Variants in WDR4 observed in about 807,000 individuals in gnomAD.
WDR4 encodes WDR4 tRNA N7-guanosine methyltransferase non-catalytic subunit.
WDR4 carries 47 observed loss-of-function variants against 48.6 expected under a neutral mutation model. The observed-to-expected ratio is 0.97, with a 90% CI of 0.77 to 1.23. WDR4 has a LOEUF of 1.23. WDR4 is among the 50% of genes most tolerant of loss of function. The pLI, the probability that WDR4 is intolerant of heterozygous loss-of-function variation, is 0.00. For missense variants in WDR4, 606 were observed against 551.6 expected, an observed-to-expected ratio of 1.10 and a Z score of -0.99; for synonymous variants, 268 against 230.0, an observed-to-expected ratio of 1.17 and a Z score of -1.49.
chr21:42,876,159 C>T (rs1304464970), intron 2 of WDR4, among the ~76,000 whole-genome samples: 1 of 150,600 alleles, frequency 6.6e-6, no homozygotes, highest in Non-Finnish European at 1.5e-5. Flanking sequence ...AGCACCCTGG[C>T]TTCCCAAAGT....
At chr21:42,879,357 ACGCG>A in intron 1 of WDR4, 46 bp downstream of exon 1, 1 of 1,595,866 alleles carries the variant, frequency 6.3e-7, no homozygotes, top group Non-Finnish European at 8.6e-7. Flanking sequence ...CCAGGACCCG[ACGCG>A]CGCCCGCAGC....
At chr21:42,878,657 CGA>C (rs901821253) in intron 1 of WDR4, among the ~76,000 whole-genome samples, 4 of 152,174 alleles carry the variant, frequency 2.6e-5, no homozygotes, top group African/African-American at 9.7e-5. Context: ...CTAATTGCTC[CGA>C]GAGTCCTGAG....
intron 3 of WDR4, among the ~76,000 whole-genome samples, chr21:42,872,163 T>C (rs2058382955): frequency 6.6e-6 from 1 of 152,086 alleles, no homozygotes; most frequent in African/African-American, 2.4e-5. Context: ...TTTGTATTTT[T>C]AGTAGAGACG....
At chr21:42,886,203 C>T in the WDR4 span, among the ~76,000 whole-genome samples, 7 of 152,238 alleles carry the variant, frequency 4.6e-5, no homozygotes, top group Middle Eastern at 3.4e-3. Context: ...GCAATCCCAC[C>T]GCCTTGGCCT....
At position 42,862,199 on chromosome 21, in the gene WDR4, A is replaced by T; in HGVS notation, c.566+83T>A. ...TCACCCGCGTGGGGCCTCGCCAGCTACAACGGCACCTGCTGAGCCGCAAGC... is the reference window on the plus strand; with the variant it reads ...TCACCCGCGTGGGGCCTCGCCAGCTTCAACGGCACCTGCTGAGCCGCAAGC... On this transcript the variant is annotated intron_variant, in intron 5 of 10. Coordinates refer to ENST00000398208, the MANE Select transcript of WDR4 (RefSeq NM_018669.6). This position sits in a 1 kb window ranked among gnomAD's most constrained non-coding sequence, Gnocchi z 4.3. The T allele has an allele frequency of 2.3e-6, 3 of 1,318,682 alleles. No individual in the cohort carries two copies. Among genetic ancestry groups the T allele is most frequent in the Non-Finnish European group, 3.1e-6 (3 of 957,162 alleles). The allele number at this position is 1,318,682 out of a possible 1,614,324, so 81.7% of individuals were successfully genotyped here.
At position 42,850,567 on chromosome 21, in the gene WDR4, G is replaced by A. The variant is rs897495330; in HGVS notation, c.1046-325C>T. On this transcript the variant is annotated intron_variant, in intron 10 of 10. Transcript: ENST00000398208. ...CCACTACTGCACCATGAGCCGCCCT[G>A]TGGAGGGGCCCAGGTGGCAGGGGAC... 4.6e-5 allele frequency among the ~76,000 whole-genome samples: 7 copies of A among 152,212 alleles called. No individual in the cohort carries two copies. The East Asian group carries it at 1.3e-3, about 29-fold the overall frequency.
rs765233947 is a variant in WDR4 at position 42,854,625 on chromosome 21, T to A, written c.728A>T (p.Lys243Met). ...QELVDPQAPQKFAASRIAFWC... is the reference protein window; with the variant it reads ...QELVDPQAPQMFAASRIAFWC... ...GAATGCAATCCTGGACGCGGCAAACTTCTAAAAGGAGAAGAAGCCCATTAA... is the reference window on the plus strand; with the variant it reads ...GAATGCAATCCTGGACGCGGCAAACATCTAAAAGGAGAAGAAGCCCATTAA... The change falls in exon 8 of 11, where the codon AAG becomes ATG. Residue 243 changes from lysine to methionine, a missense_variant and splice_region_variant. Lys to Met is a moderately conservative substitution (Grantham distance 95). Coordinates refer to ENST00000398208, the MANE Select transcript of WDR4 (RefSeq NM_018669.6). 6.2e-7 allele frequency: 1 copy of A among 1,613,386 alleles called. No homozygotes were observed. The highest frequency in any genetic ancestry group is 1.1e-5 in the South Asian group (1 of 90,918).
At chr21:42,859,581 G>GCCAGCGATCCACAGGGA in intron 6 of WDR4, 81 bp downstream of exon 6, 3 of 1,379,522 alleles carry the variant, frequency 2.2e-6, no homozygotes, top group Non-Finnish European at 3.0e-6. Context: ...ATCCACAGGG[G>GCCAGCGATCCACAGGGA]CCAGGTCCAG....
At chr21:42,847,595 C>G (rs2057722158), downstream of WDR4, among the ~76,000 whole-genome samples, 1 of 152,202 alleles carries the variant, frequency 6.6e-6, no homozygotes, top group Non-Finnish European at 1.5e-5. Context: ...CGTCTCAGTC[C>G]CAGCCACTCC....
At position 42,855,731 on chromosome 21, in the gene WDR4, C is replaced by T. The variant is rs1247367278; in HGVS notation, c.677G>A (p.Cys226Tyr). The T allele has an allele frequency of 5.1e-6, 8 of 1,555,028 alleles. No homozygotes were observed. In the East Asian group the frequency reaches 1.7e-4, roughly 33 times the overall value. ...CTCCTGCAGACTGGCCAGGTGACAG[C>T]AGTGCAGCTGGCGGCCGCTCCTGTA... Reference protein sequence around the residue: ...WEYRSGRQLHCCHLASLQELV... With the variant: ...WEYRSGRQLHYCHLASLQELV... The change falls in exon 7 of 11, where the codon TGC (cysteine) becomes TAC (tyrosine). Residue 226 changes from cysteine to tyrosine, a missense_variant. Coordinates refer to ENST00000398208, the MANE Select transcript of WDR4 (RefSeq NM_018669.6).
the WDR4 span, among the ~76,000 whole-genome samples, chr21:42,887,308 T>A: frequency 4.0e-5 from 6 of 151,278 alleles, no homozygotes; most frequent in African/African-American, 9.7e-5. Context: ...TTTTTTTTTT[T>A]TTTTTTATTT....
intron 3 of WDR4, among the ~76,000 whole-genome samples, chr21:42,872,084 G>A (rs1363634933): frequency 3.3e-5 from 5 of 151,842 alleles, no homozygotes; most frequent in South Asian, 2.1e-4. Flanking sequence ...TCCCAGGTTC[G>A]GGAGATTCTC....
downstream of WDR4, among the ~76,000 whole-genome samples, chr21:42,847,949 A>G (rs1202833346): frequency 6.6e-6 from 1 of 152,256 alleles, no homozygotes; most frequent in East Asian, 1.9e-4. Flanking sequence ...GGCAGCGTGA[A>G]GGAGGCCAGG....
chr21:42,865,359 A>G (rs1411880944), intron 3 of WDR4, among the ~76,000 whole-genome samples: 1 of 152,188 alleles, frequency 6.6e-6, no homozygotes, highest in Non-Finnish European at 1.5e-5. Flanking sequence ...CAGCTGCCAC[A>G]AACACGACCA....
upstream of WDR4, among the ~76,000 whole-genome samples, chr21:42,880,892 G>C (rs1232659139): frequency 2.0e-5 from 3 of 150,916 alleles, no homozygotes; most frequent in East Asian, 5.8e-4. Flanking sequence ...TCAAGAATCT[G>C]ATTCAGGTGC....
intron 6 of WDR4, among the ~76,000 whole-genome samples, chr21:42,858,848 G>A (rs1166958847): frequency 6.6e-6 from 1 of 152,160 alleles, no homozygotes; most frequent in Non-Finnish European, 1.5e-5. Flanking sequence ...GAAGCGGCCA[G>A]AAGGTCCATC....
At chr21:42,871,757 A>G (rs1206225766) in intron 3 of WDR4, among the ~76,000 whole-genome samples, 2 of 152,220 alleles carry the variant, frequency 1.3e-5, no homozygotes, top group Non-Finnish European at 2.9e-5. Context: ...TCTTTGGTTT[A>G]ATTTTGTTGT....
intron 3 of WDR4, among the ~76,000 whole-genome samples, chr21:42,864,055 C>G (rs28642272): frequency 1.3e-5 from 1 of 77,712 alleles, no homozygotes; most frequent in Non-Finnish European, 2.3e-5. Context: ...TGCAGTGAGC[C>G]GAGATCCCGC....
chr21:42,857,630 G>A (rs2058025774), intron 6 of WDR4, among the ~76,000 whole-genome samples: 1 of 152,136 alleles, frequency 6.6e-6, no homozygotes, highest in Non-Finnish European at 1.5e-5. Flanking sequence ...ATCCGAGAAT[G>A]GGTGGCTGCA....
Sources: gnomAD v4.1 joint callset for allele counts (sites outside exome capture counted in the v4.1 genomes callset) on GRCh38, gnomAD v4.1.1 for gene constraint, Gnocchi (gnomAD v3.1) non-coding constraint, MANE v1.5 for transcripts, NCBI Gene and HGNC (gene_info 2026-07-23, HGNC 2026-07-21) for gene names.